Variants in NTM observed in about 807,000 individuals in gnomAD.
NTM encodes IgLON family member 2.
A neutral mutation model predicts 42.1 loss-of-function variants in NTM; 13 were observed. The ratio of observed to expected loss-of-function variants is 0.31; its 90% CI spans 0.20 to 0.49. The LOEUF (loss-of-function observed/expected upper bound fraction) is 0.49, where lower values mean the gene tolerates loss of function less well. Ranked by LOEUF, NTM falls within the 20% of genes least tolerant of loss-of-function variation. NTM has a pLI of 0.99. For missense variants in NTM, 373 were observed against 452.8 expected (o/e 0.82, Z 1.60); for synonymous variants, 187 against 179.2 (o/e 1.04, Z -0.35).
intron 1 of NTM, among the ~76,000 whole-genome samples, chr11:131,816,235 A>G (rs1191449082): frequency 2.0e-5 from 3 of 152,198 alleles, no homozygotes; most frequent in Non-Finnish European, 2.9e-5. Context: ...GTCACTCATC[A>G]TGAAAGCATC....
At chr11:131,404,186 G>A (rs556181912) in intron 1 of NTM, among the ~76,000 whole-genome samples, 7 of 151,826 alleles carry the variant, frequency 4.6e-5, no homozygotes, top group African/African-American at 1.2e-4. Context: ...TTCAGCACTC[G>A]CACTTCCGCT....
intron 2 of NTM, among the ~76,000 whole-genome samples, chr11:132,016,730 A>G (rs1425338679): frequency 1.3e-5 from 2 of 151,940 alleles, no homozygotes; most frequent in African/African-American, 2.4e-5. Context: ...CCTTTTTTCC[A>G]AAGTGGTTGT....
chr11:131,919,634 A>G (rs1022714131), intron 2 of NTM, among the ~76,000 whole-genome samples: 4 of 152,202 alleles, frequency 2.6e-5, no homozygotes, highest in Admixed American at 2.6e-4. Context: ...TCCACCCTGC[A>G]TTTAAACAGG....
chr11:132,102,058 A>T (rs1221408604), intron 2 of NTM, among the ~76,000 whole-genome samples: 3 of 152,098 alleles, frequency 2.0e-5, no homozygotes, highest in Non-Finnish European at 4.4e-5. Flanking sequence ...CACGCCTCTA[A>T]GTCTTGGCTT....
At chr11:132,034,192 G>T (rs574441785) in intron 2 of NTM, among the ~76,000 whole-genome samples, 2 of 152,092 alleles carry the variant, frequency 1.3e-5, no homozygotes, top group Non-Finnish European at 2.9e-5. Flanking sequence ...AATGCTTCAA[G>T]GTCTGGGAAT....
At chr11:131,410,363 G>C (rs897236257) in intron 1 of NTM, among the ~76,000 whole-genome samples, 1 of 151,824 alleles carries the variant, frequency 6.6e-6, no homozygotes, top group East Asian at 1.9e-4. Flanking sequence ...GTGCATACCC[G>C]TGGTCCCAGC....
chr11:132,071,399 A>G (rs1248775330), intron 2 of NTM, among the ~76,000 whole-genome samples: 4 of 149,812 alleles, frequency 2.7e-5, no homozygotes, highest in African/African-American at 9.8e-5. Context: ...AACACGTCAC[A>G]CAGCCAAGTT....
chr11:131,853,161 T>C (rs1264714892), intron 1 of NTM, among the ~76,000 whole-genome samples: 1 of 152,044 alleles, frequency 6.6e-6, no homozygotes, highest in Non-Finnish European at 1.5e-5. Flanking sequence ...AAGAGAAGAA[T>C]AATTTGTGGC....
chr11:131,491,635 T>C (rs1954807361), intron 1 of NTM, among the ~76,000 whole-genome samples: 1 of 152,018 alleles, frequency 6.6e-6, no homozygotes, highest in Non-Finnish European at 1.5e-5. Flanking sequence ...AGTACTGGAG[T>C]TGGTATTATC....
At chr11:131,865,294 C>A (rs942169096) in intron 1 of NTM, among the ~76,000 whole-genome samples, 1 of 152,184 alleles carries the variant, frequency 6.6e-6, no homozygotes, top group African/African-American at 2.4e-5. Context: ...CACACCAAGA[C>A]AAAATTCAGA....
chr11:131,814,117 G>A (rs2136335699), intron 1 of NTM, among the ~76,000 whole-genome samples: 1 of 152,222 alleles, frequency 6.6e-6, no homozygotes, highest in East Asian at 1.9e-4. Context: ...GAGCTTAATA[G>A]AGCGCTCCAC....
chr11:131,769,282 T>C (rs768558625), intron 1 of NTM, among the ~76,000 whole-genome samples: 2 of 116,318 alleles, frequency 1.7e-5, no homozygotes, highest in Non-Finnish European at 3.5e-5. Flanking sequence ...TCTCTAATGA[T>C]TTGGTTTTCT....
intron 4 of NTM, among the ~76,000 whole-genome samples, chr11:132,293,364 C>T (rs1833618641): frequency 6.6e-6 from 1 of 152,174 alleles, no homozygotes; most frequent in African/African-American, 2.4e-5. Context: ...CTTGACAGGA[C>T]ACGTCTCCAG....
At chr11:131,802,009 T>C (rs2092153759) in intron 1 of NTM, among the ~76,000 whole-genome samples, 1 of 78,844 alleles carries the variant, frequency 1.3e-5, no homozygotes, top group South Asian at 3.3e-4. Flanking sequence ...ACATGCCTTG[T>C]ATAATTTTTT....
intron 2 of NTM, among the ~76,000 whole-genome samples, chr11:132,111,063 C>CAAAAAAAAAAA (rs57458373): frequency 2.3e-4 from 8 of 35,466 alleles, no homozygotes; most frequent in Non-Finnish European, 2.8e-4. Flanking sequence ...GGCCCTATCT[C>CAAAAAAAAAAA]AAAAAAAAAA....
At chr11:132,315,160 G>A (rs1411526879) in intron 7 of NTM, 2 of 827,936 alleles carry the variant, frequency 2.4e-6, no homozygotes, top group South Asian at 5.5e-5. Flanking sequence ...AACTCAGAGG[G>A]GAATGTTTGC....
intron 7 of NTM, among the ~76,000 whole-genome samples, chr11:132,322,370 G>A (rs1455960345): frequency 6.7e-6 from 1 of 149,060 alleles, no homozygotes; most frequent in Non-Finnish European, 1.5e-5. Context: ...AAAGGCAGGG[G>A]TTGCAATCCT....
chr11:132,333,694 C>T (rs1049187326), intron 8 of NTM, among the ~76,000 whole-genome samples: 5 of 152,180 alleles, frequency 3.3e-5, no homozygotes, highest in South Asian at 2.1e-4. Context: ...TGAGAAGTTC[C>T]GGCCTTAGGG....
intron 1 of NTM, among the ~76,000 whole-genome samples, chr11:131,807,327 C>T (rs912893401): frequency 1.3e-5 from 2 of 152,034 alleles, no homozygotes; most frequent in African/African-American, 2.4e-5. Context: ...TTCCGGCTGC[C>T]GTAGCATGAA....
Sources: allele counts gnomAD v4.1 joint callset (sites outside exome capture counted in the v4.1 genomes callset), GRCh38; gene constraint gnomAD v4.1.1; transcripts MANE v1.5; gene names NCBI Gene and HGNC (gene_info 2026-07-23, HGNC 2026-07-21).